Variants in MUC5B observed in about 807,000 individuals in gnomAD.
MUC5B encodes the protein mucin-5B.
MUC5B carries 116 observed loss-of-function variants against 376.9 expected under a neutral mutation model. The ratio of observed to expected loss-of-function variants is 0.31; its 90% CI spans 0.26 to 0.36. MUC5B has a LOEUF of 0.36. MUC5B is among the 10% of genes least tolerant of loss of function. The pLI is 1.00. For synonymous variants in MUC5B, 3,517 were observed against 3,390.9 expected (o/e 1.04, Z -1.29); for missense variants, 7,165 against 7,769.9 (o/e 0.92, Z 2.93).
intron 9 of MUC5B, 79 bp from the exon 10 acceptor site, chr11:1,229,611 C>A: frequency 7.8e-7 from 1 of 1,278,580 alleles, no homozygotes; most frequent in Non-Finnish European, 1.1e-6. Flanking sequence ...AGGGAGGCAG[C>A]TTGTCCCCAA....
In MUC5B at chr11:1,239,428, T is replaced by C; in HGVS notation, c.3455-10T>C. 2 of 1,605,176 alleles carry C rather than the reference T, an allele frequency of 1.2e-6. No homozygotes were observed. The highest frequency in any genetic ancestry group is 1.7e-6 in the Non-Finnish European group (2 of 1,174,350). ...GGGCGCCTCCTTAGCCTCTGCCCTCTGTGCCCCAGCCTTGTTCTGTGACTT... is the reference window on the plus strand; with the variant it reads ...GGGCGCCTCCTTAGCCTCTGCCCTCCGTGCCCCAGCCTTGTTCTGTGACTT... On this transcript the variant is annotated splice_polypyrimidine_tract_variant and intron_variant, in intron 26 of 48. Coordinates refer to ENST00000529681, the MANE Select transcript of MUC5B (RefSeq NM_002458.3).
rs1334853680 is a variant in MUC5B at position 1,248,082 on chromosome 11, C to G, written c.11202C>G (p.Pro3734=). 1 of 1,603,210 alleles carries G rather than the reference C, an allele frequency of 6.2e-7. No individual in the cohort carries two copies. Among genetic ancestry groups the G allele is most frequent in the Admixed American group, 1.7e-5 (1 of 59,494 alleles). Residue 3734 remains proline, a synonymous_variant, in exon 31 of 49, where the codon CCC becomes CCG. Transcript: ENST00000529681. The stretch of plus-strand genomic sequence containing the variant: ...GCACTACAGCCACCGTGACGGTGCC[C>G]ACCGGATCCACGGCCACCGCCTCCT... ...EPSTTATVTV[P]TGSTATASST... is the part of the protein sequence containing the mutation.
chr11:1,257,461 C>A lies in MUC5B; in HGVS notation c.16270-69C>A. The A allele has an allele frequency of 6.4e-7, 1 of 1,563,852 alleles. No individual in the cohort carries two copies. Among genetic ancestry groups the A allele is most frequent in the Non-Finnish European group, 8.7e-7 (1 of 1,149,476 alleles). Reference sequence around the variant, plus strand: ...GGTACCAGCCCGAGGGAGGGGGTGGCTGGACAGATGCCCAGGGTTGACCTG... The same window carrying A: ...GGTACCAGCCCGAGGGAGGGGGTGGATGGACAGATGCCCAGGGTTGACCTG... On this transcript the variant is annotated intron_variant, in intron 40 of 48. Transcript: ENST00000529681. This position sits in a 1 kb window ranked among gnomAD's most constrained non-coding sequence, Gnocchi z 8.9.
chr11:1,261,514 T>C lies in MUC5B; in HGVS notation c.17195T>C (p.Val5732Ala), dbSNP rs199785958. ...GCCATCCTGCACACCTACACCCACG[T>C]GGATGAGTGTGGCTGCACGCCCTTC... ...GSAILHTYTHVDECGCTPFCV... is the reference protein window; with the variant it reads ...GSAILHTYTHADECGCTPFCV... The change falls in exon 49 of 49, where the codon GTG becomes GCG. Residue 5732 changes from valine (V) to alanine (A), a missense_variant. This residue lies in a region of MUC5B where 842 missense variants were observed against 1,016.9 expected (regional missense o/e 0.83). Coordinates refer to ENST00000529681, the MANE Select transcript of MUC5B (RefSeq NM_002458.3). The C allele has an allele frequency of 1.9e-4, 303 of 1,605,442 alleles. No individual in the cohort carries two copies. Among genetic ancestry groups the C allele is most frequent in the Non-Finnish European group, 2.5e-4 (295 of 1,177,030 alleles).
At position 1,250,197 on chromosome 11, in the gene MUC5B, C is replaced by A; in HGVS notation, c.13317C>A (p.Thr4439=). The part of the protein sequence containing the change: ...TTTASTGSTA[T]PSSTPGTTWI... ...CTGCGTCCACTGGATCCACGGCCAC[C>A]CCGTCCTCCACCCCAGGGACCACCT... Residue 4439 remains threonine, a synonymous_variant, in exon 31 of 49, where the codon ACC becomes ACA. Coordinates refer to ENST00000529681, the MANE Select transcript of MUC5B (RefSeq NM_002458.3). The A allele has an allele frequency of 6.2e-7, 1 of 1,609,436 alleles. No individual in the cohort carries two copies. Among genetic ancestry groups the A allele is most frequent in the Non-Finnish European group, 8.5e-7 (1 of 1,176,920 alleles).
At position 1,234,290 on chromosome 11, in the gene MUC5B, G is replaced by A. The variant is rs760381986; in HGVS notation, c.2463G>A (p.Thr821=). ...CCGAGTGCCTCCGGAGCTGCCACAC[G>A]CTGGACGTGGGCTGTGTGAGTTCCA... ...PGAECLRSCH[T]LDVGCFSTHC... is the part of the protein sequence containing the mutation. The change falls in exon 20 of 49, where the codon ACG becomes ACA. Residue 821 remains threonine (T), a synonymous_variant. Transcript: ENST00000529681. The surrounding 1 kb of genome is among the most constrained non-coding windows in gnomAD (Gnocchi z 6.3). 1.1e-5 allele frequency: 18 copies of A among 1,604,304 alleles called. No homozygotes were observed. The highest frequency in any genetic ancestry group is 9.4e-5 in the African/African-American group (7 of 74,792).
chr11:1,233,714 G>T (rs543313459), intron 18 of MUC5B, 79 bp from the exon 19 acceptor site: 2 of 1,436,454 alleles, frequency 1.4e-6, no homozygotes, highest in African/African-American at 2.8e-5. Context: ...CCCAGCGTTC[G>T]GCGGGGGCTC....
At chr11:1,237,980 C>T (rs1590174367) in intron 25 of MUC5B, among the ~76,000 whole-genome samples, 1 of 152,304 alleles carries the variant, frequency 6.6e-6, no homozygotes, top group African/African-American at 2.4e-5. Flanking sequence ...GAGGGGCTGG[C>T]GTAGGGGCAG....
chr11:1,256,695 G>C lies in MUC5B; in HGVS notation c.16161G>C (p.Gly5387=). 6.4e-7 allele frequency: 1 copy of C among 1,568,848 alleles called. No individual in the cohort carries two copies. Among genetic ancestry groups the C allele is most frequent in the South Asian group, 1.2e-5 (1 of 84,850 alleles). Residue 5387 remains glycine (G), a synonymous_variant, in exon 39 of 49, where the codon GGG becomes GGC. Coordinates refer to ENST00000529681, the MANE Select transcript of MUC5B (RefSeq NM_002458.3). ...NSRNQSPQLE[G]MAEGCFCPED... ...GGAACCAGAGCCCACAGCTGGAGGG[G>C]ATGGCGGAGGGCTGCTTCTGCCCTG...
Position 1,248,953 on chromosome 11 carries a change from C to G in MUC5B, c.12073C>G (p.Arg4025Gly). 6.2e-7 allele frequency: 1 copy of G among 1,603,310 alleles called. No individual in the cohort carries two copies. Among genetic ancestry groups the G allele is most frequent in the Admixed American group, 1.7e-5 (1 of 59,360 alleles). Reference sequence around the variant, plus strand: ...GTCCCCCAGCAGTCCCCACACGGTGCGCACAGCCTGGACTTCGGCCACCTC... The same window carrying G: ...GTCCCCCAGCAGTCCCCACACGGTGGGCACAGCCTGGACTTCGGCCACCTC... ...SLSPSSPHTV[R>G]TAWTSATSGT... Residue 4025 changes from arginine to glycine, a missense_variant, in exon 31 of 49, where the codon CGC becomes GGC. Transcript: ENST00000529681.
rs1010756448 is a variant in MUC5B at position 1,241,231 on chromosome 11, G to C, written c.4351G>C (p.Glu1451Gln). 1.6e-5 allele frequency: 25 copies of C among 1,591,672 alleles called. No homozygotes were observed. The East Asian group carries it at 1.8e-4, about 12-fold the overall frequency. ...SPQPSLSAST[E>Q]PAVPTPTQTT... ...TCAGCCCTCCCTCAGTGCCAGCACGGAGCCTGCTGTGCCTACCCCAACCCA... is the reference window on the plus strand; with the variant it reads ...TCAGCCCTCCCTCAGTGCCAGCACGCAGCCTGCTGTGCCTACCCCAACCCA... Residue 1451 changes from glutamate to glutamine, a missense_variant, in exon 31 of 49, where the codon GAG (glutamate) becomes CAG (glutamine). Around this residue, in one of 31 missense-constraint regions of MUC5B, gnomAD observed 517 missense variants for 545.3 expected, o/e 0.95. Coordinates refer to ENST00000529681, the MANE Select transcript of MUC5B (RefSeq NM_002458.3).
intron 12 of MUC5B, 131 bp downstream of exon 12, chr11:1,230,731 C>T (rs546448719): frequency 1.1e-6 from 1 of 937,498 alleles, no homozygotes; most frequent in South Asian, 1.6e-5. Context: ...CCAGGTCCCC[C>T]TCCAGCCCCC....
In MUC5B at chr11:1,245,373, C is replaced by A. The variant is rs746206778; in HGVS notation, c.8493C>A (p.Gly2831=). Residue 2831 remains glycine, a synonymous_variant, in exon 31 of 49, where the codon GGC becomes GGA. Transcript: ENST00000529681. The part of the protein sequence containing the change: ...SPPSPGTTTP[G]HTRATSRTTA... ...CTTCTCCAGGGACGACCACCCCGGG[C>A]CACACCAGGGCCACCTCCAGGACCA... 130 of 1,569,486 alleles carry A rather than the reference C, an allele frequency of 8.3e-5. 31 individuals are homozygous for A. In the Admixed American group the frequency reaches 2.2e-3, roughly 26 times the overall value.
chr11:1,259,334 C>CG (rs1463607491), intron 44 of MUC5B, among the ~76,000 whole-genome samples: 2 of 151,644 alleles, frequency 1.3e-5, no homozygotes, highest in African/African-American at 4.8e-5. Context: ...AAGTGAGACC[C>CG]GAGGCACCTG....
At position 1,254,334 on chromosome 11, in the gene MUC5B, G is replaced by A. The variant is rs1340223023; in HGVS notation, c.15460G>A (p.Gly5154Arg). Residue 5154 changes from glycine (G) to arginine (R), a missense_variant, in exon 34 of 49, where the codon GGG (glycine) becomes AGG (arginine). Transcript: ENST00000529681. Reference sequence around the variant, plus strand: ...CGTCCTCACTGTCACCATGGTGCATGGGAAGGAGGAGGGCCTGGTGAGTCC... The same window carrying A: ...CGTCCTCACTGTCACCATGGTGCATAGGAAGGAGGAGGGCCTGGTGAGTCC... ...DIVLTVTMVHGKEEGLILFDQ... is the reference protein window; with the variant it reads ...DIVLTVTMVHRKEEGLILFDQ... 1.9e-6 allele frequency: 3 copies of A among 1,603,706 alleles called. No homozygotes were observed. The highest frequency in any genetic ancestry group is 3.3e-5 in the Admixed American group (2 of 60,024).
intron 46 of MUC5B, 58 bp from the exon 47 acceptor site, chr11:1,260,293 C>T (rs938182757): frequency 5.0e-5 from 78 of 1,565,666 alleles, no homozygotes; most frequent in Middle Eastern, 1.8e-4. Context: ...CCCAGGAGGC[C>T]GCACCCACCA....
At chr11:1,260,778 C>T (rs747814565) in intron 48 of MUC5B, 50 bp downstream of exon 48, 57 of 1,373,222 alleles carry the variant, frequency 4.2e-5, no homozygotes, top group Middle Eastern at 1.8e-4. Context: ...GTGGTGGGTC[C>T]GCCCTGGCCC....
intron 3 of MUC5B, 95 bp downstream of exon 3, chr11:1,226,371 G>A (rs993208001): frequency 1.1e-5 from 16 of 1,448,208 alleles, no homozygotes; most frequent in Non-Finnish European, 1.4e-5. Context: ...CACCAGGTGG[G>A]GCCGTTGGGC....
At chr11:1,229,328 G>A (rs772211075) in intron 9 of MUC5B, 33 bp downstream of exon 9, 6 of 1,511,580 alleles carry the variant, frequency 4.0e-6, no homozygotes, top group Middle Eastern at 3.4e-4. Flanking sequence ...CCCTCAGGGG[G>A]CTTTCAGGTC....
Sources: gnomAD v4.1 joint callset for allele counts (sites outside exome capture counted in the v4.1 genomes callset) on GRCh38, gnomAD v4.1.1 for gene constraint, gnomAD v4.1.1 regional missense constraint, Gnocchi (gnomAD v3.1) non-coding constraint, MANE v1.5 for transcripts, NCBI Gene and HGNC (gene_info 2026-07-23, HGNC 2026-07-21) for gene names.